Variants in TMEM114 observed in about 807,000 individuals in gnomAD.
TMEM114 encodes claudin-26.
A neutral mutation model predicts 6.2 loss-of-function variants in TMEM114; 6 were observed. The ratio of observed to expected loss-of-function variants is 0.97; its 90% CI spans 0.53 to 1.91. The LOEUF (loss-of-function observed/expected upper bound fraction) is 1.91, where lower values mean the gene tolerates loss of function less well. Among genes scored for constraint, TMEM114 ranks in the 40% most tolerant of loss-of-function variants. The pLI is 0.01. For synonymous variants in TMEM114, 104 were observed against 73.0 expected, an observed-to-expected ratio of 1.42 and a Z score of -2.16; for missense variants, 218 against 158.3, an observed-to-expected ratio of 1.38 and a Z score of -2.02.
chr16:8,559,121 C>A (rs1901116032), intron 2 of TMEM114, among the ~76,000 whole-genome samples: 1 of 152,154 alleles, frequency 6.6e-6, no homozygotes, highest in Non-Finnish European at 1.5e-5. Context: ...CGGCTCACTG[C>A]AACCTCTTCT....
chr16:8,552,748 C>CT (rs1900886014), intron 2 of TMEM114, among the ~76,000 whole-genome samples: 1 of 123,964 alleles, frequency 8.1e-6, no homozygotes, highest in Admixed American at 8.5e-5. Context: ...AAGGTCCTAC[C>CT]TGCTCCTGAA....
chr16:8,535,579 C>T (rs2141643045), downstream of TMEM114, among the ~76,000 whole-genome samples: 1 of 152,192 alleles, frequency 6.6e-6, no homozygotes, highest in African/African-American at 2.4e-5. Flanking sequence ...GCAAGAAGAT[C>T]ATGGGAAATA....
downstream of TMEM114, among the ~76,000 whole-genome samples, chr16:8,534,727 A>G (rs1900307316): frequency 6.6e-6 from 1 of 152,192 alleles, no homozygotes. Context: ...TATAAAATCT[A>G]CAAATGTACT....
chr16:8,540,302 A>C (rs1313699401), intron 2 of TMEM114, among the ~76,000 whole-genome samples: 1 of 152,126 alleles, frequency 6.6e-6, no homozygotes, highest in East Asian at 1.9e-4. Context: ...TCTCAGATAG[A>C]GGTAGGAGCT....
At chr16:8,572,767 A>G (rs952009935) in intron 2 of TMEM114, among the ~76,000 whole-genome samples, 2 of 152,202 alleles carry the variant, frequency 1.3e-5, no homozygotes, top group East Asian at 1.9e-4. Flanking sequence ...AGAAGCCGCA[A>G]TGCAGATGAT....
chr16:8,561,239 C>T (rs999940806), intron 2 of TMEM114, among the ~76,000 whole-genome samples: 3 of 152,232 alleles, frequency 2.0e-5, no homozygotes, highest in Admixed American at 6.5e-5. Flanking sequence ...TTGCCTATAG[C>T]ACAGTCTTGG....
chr16:8,528,030 T>A, the TMEM114 span, among the ~76,000 whole-genome samples: 2 of 152,252 alleles, frequency 1.3e-5, no homozygotes, highest in African/African-American at 2.4e-5. Context: ...CGCCTCAGCT[T>A]CCTGCGTAGC....
intron 2 of TMEM114, among the ~76,000 whole-genome samples, chr16:8,548,569 C>T (rs1175805164): frequency 2.6e-5 from 4 of 152,172 alleles, no homozygotes; most frequent in South Asian, 2.1e-4. Context: ...TGCAGGGCCA[C>T]GAACCATTGT....
chr16:8,572,027 AG>A, intron 3 of TMEM114, 59 bp downstream of exon 3: 1 of 1,471,280 alleles, frequency 6.8e-7, no homozygotes, highest in Non-Finnish European at 9.0e-7. Flanking sequence ...GTTCATACAC[AG>A]TACCCATTGC....
downstream of TMEM114, among the ~76,000 whole-genome samples, chr16:8,534,980 C>T (rs982953562): frequency 2.0e-5 from 3 of 152,212 alleles, no homozygotes; most frequent in Non-Finnish European, 2.9e-5. Context: ...CCTTCTCCAT[C>T]GGTCTCAGTG....
At chr16:8,576,399 G>A (rs974625660) in intron 2 of TMEM114, among the ~76,000 whole-genome samples, 28 of 152,198 alleles carry the variant, frequency 1.8e-4, no homozygotes, top group Non-Finnish European at 2.2e-4. Flanking sequence ...GCTCCCCATG[G>A]AGTGTGTTCT....
rs1902178390 is a variant in TMEM114 at position 8,582,259 on chromosome 16, G to A, written c.301+6954C>T. On this transcript the variant is annotated intron_variant, in intron 2 of 3. Coordinates refer to ENST00000620492, the MANE Select transcript of TMEM114 (RefSeq NM_001146336.2). ...TCTGACCAGCCTGGCCTCTCTTATGGGCTCTTAGGAGACACAGCTGAGGTA... is the reference window on the plus strand; with the variant it reads ...TCTGACCAGCCTGGCCTCTCTTATGAGCTCTTAGGAGACACAGCTGAGGTA... 2.0e-5 allele frequency among the ~76,000 whole-genome samples: 3 copies of A among 151,542 alleles called. No homozygotes were observed. In the South Asian group the frequency reaches 6.3e-4, roughly 32 times the overall value.
At position 8,559,625 on chromosome 16, in the gene TMEM114, C is replaced by A. The variant is rs151130316; in HGVS notation, n.213-21799G>T. ...ATCAAAGCGTTGTTTCTCTTGTGGGCTCTGAGTACTCTGTTAAAAGAAGCA... is the reference window on the plus strand; with the variant it reads ...ATCAAAGCGTTGTTTCTCTTGTGGGATCTGAGTACTCTGTTAAAAGAAGCA... On this transcript the variant is annotated intron_variant and non_coding_transcript_variant, in intron 2 of 2. Transcript: ENST00000623677. 1.6e-4 allele frequency among the ~76,000 whole-genome samples: 25 copies of A among 152,298 alleles called. 1 individual carries two copies. The East Asian group carries it at 4.4e-3, about 27-fold the overall frequency.
intron 2 of TMEM114, among the ~76,000 whole-genome samples, chr16:8,579,545 A>T (rs1178695266): frequency 6.6e-6 from 1 of 152,070 alleles, no homozygotes; most frequent in Non-Finnish European, 1.5e-5. Context: ...AGGATATGGA[A>T]AGAGCAGGAG....
intron 2 of TMEM114, among the ~76,000 whole-genome samples, chr16:8,580,797 C>T (rs528635384): frequency 4.6e-5 from 7 of 152,170 alleles, no homozygotes; most frequent in South Asian, 2.1e-4. Flanking sequence ...GCTCAAGCAA[C>T]CCCCGACTTC....
intron 2 of TMEM114, among the ~76,000 whole-genome samples, chr16:8,548,470 T>C (rs1294618067): frequency 6.6e-6 from 1 of 152,124 alleles, no homozygotes; most frequent in Non-Finnish European, 1.5e-5. Flanking sequence ...ATGAGTCTTT[T>C]AAACTTTTTT....
At chr16:8,549,471 G>T (rs1311777606) in intron 2 of TMEM114, among the ~76,000 whole-genome samples, 1 of 142,364 alleles carries the variant, frequency 7.0e-6, no homozygotes, top group African/African-American at 2.7e-5. Flanking sequence ...CTTCACTCAA[G>T]CCTGGGCAAC....
At chr16:8,584,633 A>G (rs1168219723) in intron 2 of TMEM114, among the ~76,000 whole-genome samples, 1 of 152,154 alleles carries the variant, frequency 6.6e-6, no homozygotes, top group African/African-American at 2.4e-5. Context: ...GCTAATAAAG[A>G]CATACCTGGC....
chr16:8,546,952 A>T (rs1448113404), intron 2 of TMEM114, among the ~76,000 whole-genome samples: 1 of 152,196 alleles, frequency 6.6e-6, no homozygotes, highest in Non-Finnish European at 1.5e-5. Flanking sequence ...AGCTGGGAGG[A>T]CAGGGGAAAG....
Sources: allele counts gnomAD v4.1 joint callset (sites outside exome capture counted in the v4.1 genomes callset), GRCh38; gene constraint gnomAD v4.1.1; transcripts MANE v1.5; gene names NCBI Gene and HGNC (gene_info 2026-07-23, HGNC 2026-07-21).